FAM184A: variants seen among roughly 807,000 people sequenced by gnomAD.
The protein encoded by FAM184A is family with sequence similarity 184 member A.
A neutral mutation model predicts 143.8 loss-of-function variants in FAM184A; 99 were observed. That is an observed-to-expected ratio of 0.69 (90% CI 0.58 to 0.81). The LOEUF is 0.81. Ranked by LOEUF, FAM184A falls within the 40% of genes least tolerant of loss-of-function variation. The pLI is 0.00. For missense variants in FAM184A, 1,217 were observed against 1,310.5 expected (o/e 0.93, Z 1.10); for synonymous variants, 427 against 446.4 (o/e 0.96, Z 0.55).
At chr6:119,028,131 C>A (rs144642463) in intron 1 of FAM184A, among the ~76,000 whole-genome samples, 70 of 152,304 alleles carry the variant, frequency 4.6e-4, no homozygotes, top group African/African-American at 1.6e-3. Flanking sequence ...AAAATCCTTG[C>A]CTGCAAGCCA....
intron 1 of FAM184A, among the ~76,000 whole-genome samples, chr6:119,086,801 C>T (rs1431227545): frequency 2.6e-5 from 4 of 152,036 alleles, no homozygotes; most frequent in Non-Finnish European, 5.9e-5. Context: ...TGTGGAAAAT[C>T]GATTATGGGA....
chr6:118,975,643 A>G (rs1783823556), intron 12 of FAM184A, among the ~76,000 whole-genome samples: 1 of 152,206 alleles, frequency 6.6e-6, no homozygotes, highest in Non-Finnish European at 1.5e-5. Flanking sequence ...CACACATCAC[A>G]TGGCTTACAA....
chr6:119,102,616 C>T (rs1307155356), intron 1 of FAM184A, among the ~76,000 whole-genome samples: 2 of 151,282 alleles, frequency 1.3e-5, no homozygotes, highest in South Asian at 2.1e-4. Flanking sequence ...GGTGAAGCCC[C>T]GTCTCTACTA....
At chr6:119,006,131 G>A in intron 7 of FAM184A, 1 of 765,234 alleles carries the variant, frequency 1.3e-6, no homozygotes, top group Non-Finnish European at 2.4e-6. Flanking sequence ...AGGCAGAGAT[G>A]GAAATTATGT....
intron 1 of FAM184A, among the ~76,000 whole-genome samples, chr6:119,086,720 G>A (rs1161041358): frequency 6.6e-6 from 1 of 152,180 alleles, no homozygotes; most frequent in African/African-American, 2.4e-5. Context: ...AGACAATCAC[G>A]AGCCATTGGA....
intron 1 of FAM184A, among the ~76,000 whole-genome samples, chr6:119,036,895 G>T (rs1281346678): frequency 2.0e-5 from 3 of 152,144 alleles, no homozygotes; most frequent in Non-Finnish European, 2.9e-5. Flanking sequence ...TCAGTAGAAA[G>T]AACTGGATAA....
At position 119,078,532 on chromosome 6, in the gene FAM184A, C is replaced by T. The variant is rs1296770115; in HGVS notation, c.-233G>A. The T allele has an allele frequency of 6.0e-6, 2 of 334,994 alleles. No homozygotes were observed. The highest frequency in any genetic ancestry group is 1.1e-5 in the Non-Finnish European group (2 of 187,146). 20.8% of individuals were successfully genotyped at this position (334,994 alleles called of 1,614,324 possible). A position where few individuals can be genotyped will look rare whatever the true frequency, so the allele number is the denominator to read the frequency against. ...GGGACAACGGCGCGGGGCAGATGCC[C>T]GGGGTTGGGCGGCGGCGGCCGGGGG... On this transcript the variant is annotated 5_prime_UTR_variant, in exon 1 of 18. Coordinates refer to ENST00000338891, the MANE Select transcript of FAM184A (RefSeq NM_024581.6). This position sits in a 1 kb window ranked among gnomAD's most constrained non-coding sequence, Gnocchi z 5.5.
chr6:119,107,936 A>G (rs1402548564), intron 1 of FAM184A, among the ~76,000 whole-genome samples: 4 of 152,172 alleles, frequency 2.6e-5, no homozygotes, highest in Non-Finnish European at 5.9e-5. Context: ...AATTTAAGAC[A>G]TATTTATTAG....
In FAM184A at chr6:119,141,948, A is replaced by G. The variant is rs1049925482; in HGVS notation, c.-202+7130T>C. On this transcript the variant is annotated intron_variant, in intron 1 of 16. Transcript: ENST00000352896. Reference sequence around the variant, plus strand: ...ATCATCTCCTTAAAGGAATCACACAACAAATCCTGTCTAAGCCCAAATAAT... The same window carrying G: ...ATCATCTCCTTAAAGGAATCACACAGCAAATCCTGTCTAAGCCCAAATAAT... Among the ~76,000 whole-genome samples the G allele has an allele frequency of 1.7e-4, 26 of 152,242 alleles. 1 individual carries two copies. The highest frequency in any genetic ancestry group is 3.3e-4 in the Admixed American group (5 of 15,286).
At position 119,078,076 on chromosome 6, in the gene FAM184A, G is replaced by A. The variant is rs530892109; in HGVS notation, c.159+65C>T. 225 of 1,519,740 alleles carry A rather than the reference G, an allele frequency of 1.5e-4. 1 individual carries two copies. The highest frequency in any genetic ancestry group is 1.8e-4 in the Non-Finnish European group (199 of 1,136,182). 94.1% of individuals were successfully genotyped at this position (1,519,740 alleles called of 1,614,324 possible). ...GGGCGCAGGGCGCACTGCCTCCCGG[G>A]GAGACAGGTGAGTCCGGCGCGGCCC... is the stretch of plus-strand genomic sequence containing the variant. On this transcript the variant is annotated intron_variant, in intron 1 of 17. Transcript: ENST00000338891. This position sits in a 1 kb window ranked among gnomAD's most constrained non-coding sequence, Gnocchi z 5.5.
At chr6:118,980,421 G>A (rs2114582191) in intron 9 of FAM184A, 71 bp from the exon 10 acceptor site, 1 of 1,174,402 alleles carries the variant, frequency 8.5e-7, no homozygotes, top group Non-Finnish European at 1.2e-6. Context: ...AGCAAAGGGG[G>A]AAAAGCATTT....
At chr6:119,117,183 G>A (rs1186448165) in intron 1 of FAM184A, among the ~76,000 whole-genome samples, 1 of 152,212 alleles carries the variant, frequency 6.6e-6, no homozygotes, top group Non-Finnish European at 1.5e-5. Context: ...AGACAAGTCT[G>A]TGGATCATTT....
At chr6:119,085,518 C>T (rs1169229463) in intron 1 of FAM184A, among the ~76,000 whole-genome samples, 1 of 152,146 alleles carries the variant, frequency 6.6e-6, no homozygotes, top group African/African-American at 2.4e-5. Flanking sequence ...AAAATTTAAC[C>T]AGTTTCTAGG....
At chr6:119,122,472 A>C (rs968580042) in intron 1 of FAM184A, among the ~76,000 whole-genome samples, 2 of 152,230 alleles carry the variant, frequency 1.3e-5, no homozygotes, top group Non-Finnish European at 2.9e-5. Context: ...AGCCAGAAAC[A>C]GATACTTCAG....
intron 9 of FAM184A, among the ~76,000 whole-genome samples, chr6:118,986,874 ACTG>A (rs1347729833): frequency 6.6e-6 from 1 of 152,224 alleles, no homozygotes; most frequent in Admixed American, 6.5e-5. Context: ...GCTCTATGTC[ACTG>A]CTAAAAAGAA....
chr6:119,015,442 C>T (rs1785213012), intron 5 of FAM184A, among the ~76,000 whole-genome samples: 1 of 152,172 alleles, frequency 6.6e-6, no homozygotes, highest in Non-Finnish European at 1.5e-5. Context: ...CCTGCGGGCC[C>T]CGGGCAGTGA....
At chr6:119,133,644 C>T (rs957385236) in intron 1 of FAM184A, among the ~76,000 whole-genome samples, 1 of 152,008 alleles carries the variant, frequency 6.6e-6, no homozygotes, top group Non-Finnish European at 1.5e-5. Context: ...GGCAAAGTGA[C>T]TTTGTTCAGC....
Position 119,126,635 on chromosome 6 carries a change from T to A in FAM184A, c.-202+22443A>T, listed in dbSNP as rs1191293207. Among the ~76,000 whole-genome samples the A allele has an allele frequency of 3.9e-5, 6 of 152,190 alleles. No homozygotes were observed. The East Asian group carries it at 1.2e-3, about 29-fold the overall frequency. On this transcript the variant is annotated intron_variant, in intron 1 of 16. Coordinates refer to the FAM184A transcript ENST00000352896. ...GAAGCCCCAGAAGGAGTGTTAACAG[T>A]CAGTGCTCTTTTAGTTTTGCTGTCC...
chr6:119,039,418 AGAC>A (rs1301582119), intron 1 of FAM184A, among the ~76,000 whole-genome samples: 1 of 152,286 alleles, frequency 6.6e-6, no homozygotes, highest in Non-Finnish European at 1.5e-5. Context: ...AAACTGATCC[AGAC>A]GATGGAATAT....
Sources: allele counts gnomAD v4.1 joint callset (sites outside exome capture counted in the v4.1 genomes callset), GRCh38; gene constraint gnomAD v4.1.1; non-coding constraint Gnocchi (gnomAD v3.1); transcripts MANE v1.5; gene names NCBI Gene and HGNC (gene_info 2026-07-23, HGNC 2026-07-21).